SYNE2: variants seen among roughly 807,000 people sequenced by gnomAD.
The protein encoded by SYNE2 is nesprin-2.
Under a neutral mutation model 856.3 loss-of-function variants are expected in SYNE2, and 431 were observed. The observed-to-expected ratio is 0.50, with a 90% CI of 0.47 to 0.55. SYNE2 has a LOEUF of 0.55. Among genes scored for constraint, SYNE2 ranks in the 20% least tolerant of loss-of-function variants. The probability of loss-of-function intolerance (pLI) is 0.00; values close to 1 mark genes in which losing one functional copy is unlikely to be tolerated. For missense variants in SYNE2, 8,129 were observed against 8,023.2 expected (o/e 1.01, Z -0.50); for synonymous variants, 2,923 against 2,872.3 (o/e 1.02, Z -0.56).
intron 1 of SYNE2, among the ~76,000 whole-genome samples, chr14:63,781,442 CAAAT>C (rs1887304271): frequency 1.3e-5 from 2 of 151,312 alleles, no homozygotes; most frequent in African/African-American, 4.8e-5. Flanking sequence ...TAGGTTTGCG[CAAAT>C]AAATAAGTAT....
chr14:64,218,001 C>A (rs2098674941), intron 108 of SYNE2, among the ~76,000 whole-genome samples: 1 of 152,196 alleles, frequency 6.6e-6, no homozygotes, highest in South Asian at 2.1e-4. Flanking sequence ...TACAGAGTGA[C>A]AGGGATAACT....
intron 82 of SYNE2, among the ~76,000 whole-genome samples, chr14:64,142,588 T>G (rs1325503608): frequency 6.6e-6 from 1 of 152,194 alleles, no homozygotes; most frequent in African/African-American, 2.4e-5. Flanking sequence ...GGATTAGATG[T>G]CTCCATGATG....
rs570197633 is a variant in SYNE2, at chr14:64,214,809, G to A, written c.19333+339G>A. 6.6e-5 allele frequency among the ~76,000 whole-genome samples: 10 copies of A among 152,218 alleles called. No homozygotes were observed. In the East Asian group the frequency reaches 7.7e-4, roughly 12 times the overall value. ...GGCTGAGGTGCAGTGGTGCGACCACGGCTCATTGCAGCCTCAACCTCCAGG... is the reference window on the plus strand; with the variant it reads ...GGCTGAGGTGCAGTGGTGCGACCACAGCTCATTGCAGCCTCAACCTCCAGG... On this transcript the variant is annotated intron_variant, in intron 106 of 115. Transcript: ENST00000555002.
In SYNE2 at chr14:63,961,640, G is replaced by T; in HGVS notation, c.888+15G>T. ...AGGAGGCTCAGGTATGTTTTCATAT[G>T]CATAAATCAAGCTCATTTTAGTTGT... On this transcript the variant is annotated intron_variant, in intron 9 of 115. Coordinates refer to ENST00000555002, the MANE Select transcript of SYNE2 (RefSeq NM_182914.3). 6.3e-7 allele frequency: 1 copy of T among 1,575,368 alleles called. No homozygotes were observed. Among genetic ancestry groups the T allele is most frequent in the Non-Finnish European group, 8.7e-7 (1 of 1,145,206 alleles).
intron 45 of SYNE2, among the ~76,000 whole-genome samples, chr14:64,032,240 A>G (rs1357858079): frequency 6.6e-6 from 1 of 152,220 alleles, no homozygotes; most frequent in Non-Finnish European, 1.5e-5. Context: ...CTCTGTGAGG[A>G]AAGGTTTTTA....
At chr14:63,942,531 C>T (rs1420008059) in intron 6 of SYNE2, among the ~76,000 whole-genome samples, 3 of 150,220 alleles carry the variant, frequency 2.0e-5, no homozygotes, top group African/African-American at 7.4e-5. Flanking sequence ...GTTTTGCTCT[C>T]GTTGCCCAGG....
At chr14:63,882,873 C>T (rs2094897188) in intron 1 of SYNE2, among the ~76,000 whole-genome samples, 1 of 152,114 alleles carries the variant, frequency 6.6e-6, no homozygotes, top group Admixed American at 6.6e-5. Flanking sequence ...CACTTCACTT[C>T]CATGAGCCTT....
intron 67 of SYNE2, 108 bp downstream of exon 67, chr14:64,119,717 T>C: frequency 1.7e-6 from 2 of 1,143,404 alleles, no homozygotes; most frequent in Non-Finnish European, 2.5e-6. Context: ...GAAACTGTAC[T>C]AAGTGTGAAA....
At chr14:64,223,167 C>T (rs1376729562) in intron 112 of SYNE2, 22 bp from the exon 113 acceptor site, 1 of 1,612,734 alleles carries the variant, frequency 6.2e-7, no homozygotes, top group Admixed American at 1.7e-5. Flanking sequence ...GTCACTGTTT[C>T]ACACACTTTA....
At chr14:63,818,704 T>G (rs1271932543) in intron 1 of SYNE2, among the ~76,000 whole-genome samples, 1 of 148,824 alleles carries the variant, frequency 6.7e-6, no homozygotes, top group African/African-American at 2.4e-5. Context: ...TTCTTTTCTT[T>G]TTTTTTTTTT....
chr14:64,174,925 CT>C lies in SYNE2; in HGVS notation c.17236-17del, dbSNP rs1357552699. 5 of 1,611,248 alleles carry C rather than the reference CT, an allele frequency of 3.1e-6. No homozygotes were observed. The South Asian group carries it at 5.5e-5, about 18-fold the overall frequency. On this transcript the variant is annotated intron_variant, in intron 94 of 115. Coordinates refer to ENST00000555002, the MANE Select transcript of SYNE2 (RefSeq NM_182914.3). The stretch of plus-strand genomic sequence containing the variant: ...ACACATCAGAAACCTAAGCAAATTA[CT>C]TCTCTTTTTTTTCTTAGAATAAAGA...
At chr14:64,203,007 C>T (rs371028180) in intron 100 of SYNE2, 44 bp downstream of exon 100, 30 of 1,608,818 alleles carry the variant, frequency 1.9e-5, no homozygotes, top group African/African-American at 6.7e-5. Context: ...ACGGTGTCCG[C>T]GATATGCACT....
chr14:64,017,608 CAG>C lies in SYNE2; in HGVS notation c.4903_4904del (p.Glu1635ArgfsTer4), dbSNP rs1177984309. The stretch of plus-strand genomic sequence containing the variant: ...AAATTATGGTAGATAAATGAGAAGA[CAG>C]AAGATTACTATGAAAATCTTGGTCG... On this transcript the variant is annotated frameshift_variant, in exon 34 of 116. Coordinates refer to ENST00000555002, the MANE Select transcript of SYNE2 (RefSeq NM_182914.3). LOFTEE classifies it high-confidence loss of function. 7 of 1,611,710 alleles carry C rather than the reference CAG, an allele frequency of 4.3e-6. No individual in the cohort carries two copies. The Admixed American group carries it at 1.0e-4, about 23-fold the overall frequency.
chr14:64,023,141 C>T (rs1156816917), intron 38 of SYNE2: 8 of 388,428 alleles, frequency 2.1e-5, no homozygotes, highest in Non-Finnish European at 4.7e-6. Flanking sequence ...CCTGTAGTCC[C>T]AGGTGAGAGG....
At chr14:63,965,474 G>A (rs936599592) in intron 10 of SYNE2, among the ~76,000 whole-genome samples, 1 of 152,174 alleles carries the variant, frequency 6.6e-6, no homozygotes, top group Admixed American at 6.5e-5. Flanking sequence ...GCTTCTCTGG[G>A]GTAAGTAGTT....
intron 1 of SYNE2, among the ~76,000 whole-genome samples, chr14:63,900,017 A>T (rs1420814788): frequency 1.3e-5 from 2 of 152,216 alleles, no homozygotes; most frequent in East Asian, 3.8e-4. Context: ...CTTAAACAAG[A>T]AGTATTATTC....
intron 99 of SYNE2, among the ~76,000 whole-genome samples, chr14:64,197,530 G>A (rs2098545663): frequency 6.6e-6 from 1 of 152,200 alleles, no homozygotes; most frequent in South Asian, 2.1e-4. Context: ...GCAACTGACA[G>A]CTGCCCGCAG....
At chr14:63,876,566 C>T (rs976485721) in intron 1 of SYNE2, among the ~76,000 whole-genome samples, 1 of 151,598 alleles carries the variant, frequency 6.6e-6, no homozygotes, top group African/African-American at 2.4e-5. Flanking sequence ...CCGCTCACTG[C>T]AAGCTCCGCC....
chr14:64,000,044 T>C (rs1254355758), intron 27 of SYNE2, among the ~76,000 whole-genome samples: 1 of 152,216 alleles, frequency 6.6e-6, no homozygotes, highest in Non-Finnish European at 1.5e-5. Context: ...ATTGCTGATC[T>C]GTCAGTAGTA....
Sources: allele counts gnomAD v4.1 joint callset (sites outside exome capture counted in the v4.1 genomes callset), GRCh38; gene constraint gnomAD v4.1.1; transcripts MANE v1.5; gene names NCBI Gene and HGNC (gene_info 2026-07-23, HGNC 2026-07-21).